The following RGPD2 variants were observed in gnomAD, a reference collection of about 807,000 sequenced individuals.
The protein encoded by RGPD2 is RANBP2-like and GRIP domain-containing protein 2.
In RGPD2, 2 loss-of-function variants were observed where a neutral mutation model predicts 36.0. The ratio of observed to expected loss-of-function variants is 0.06; its 90% CI spans 0.02 to 0.17. RGPD2 has a LOEUF of 0.17. Ranked by LOEUF, RGPD2 falls within the 10% of genes least tolerant of loss-of-function variation. RGPD2 has a pLI of 1.00. For missense variants in RGPD2, 40 were observed against 464.3 expected (o/e 0.09, Z 8.40); for synonymous variants, 19 against 163.8 (o/e 0.12, Z 6.75).
the RGPD2 span, among the ~76,000 whole-genome samples, chr2:87,936,289 G>T: frequency 1.3e-5 from 2 of 151,714 alleles, no homozygotes; most frequent in African/African-American, 4.8e-5. Flanking sequence ...ACAGAGCGCA[G>T]AGTTGCACAG....
At chr2:87,939,993 A>C in the RGPD2 span, among the ~76,000 whole-genome samples, 1 of 152,122 alleles carries the variant, frequency 6.6e-6, no homozygotes, top group Non-Finnish European at 1.5e-5. Context: ...AAGAAACGAA[A>C]CTAGCAAAAG....
At chr2:87,905,320 T>A in the RGPD2 span, among the ~76,000 whole-genome samples, 1 of 152,198 alleles carries the variant, frequency 6.6e-6, no homozygotes, top group African/African-American at 2.4e-5. Context: ...TTCCCTAAGA[T>A]ACTAACTTTG....
the RGPD2 span, among the ~76,000 whole-genome samples, chr2:87,883,003 A>C: frequency 7.2e-5 from 11 of 151,996 alleles, no homozygotes; most frequent in Admixed American, 5.9e-4. Flanking sequence ...AGGATTTTCT[A>C]TATGTACATA....
the RGPD2 span, among the ~76,000 whole-genome samples, chr2:87,977,567 ACT>A: frequency 6.7e-6 from 1 of 149,688 alleles, no homozygotes; most frequent in Admixed American, 6.6e-5. Context: ...TAATCCCAAC[ACT>A]CTGGGAGGCT....
the RGPD2 span, among the ~76,000 whole-genome samples, chr2:87,846,725 A>AT: frequency 1.3e-5 from 2 of 151,006 alleles, no homozygotes; most frequent in South Asian, 4.2e-4. Flanking sequence ...GGCTATTAGC[A>AT]TTTTTTAAAT....
At chr2:87,864,296 G>A in the RGPD2 span, among the ~76,000 whole-genome samples, 16 of 152,380 alleles carry the variant, frequency 1.1e-4, no homozygotes, top group Middle Eastern at 3.4e-3. Context: ...TGGGACATTC[G>A]TCTTCTGCTG....
At chr2:87,915,827 G>A in the RGPD2 span, among the ~76,000 whole-genome samples, 1 of 151,354 alleles carries the variant, frequency 6.6e-6, no homozygotes, top group Non-Finnish European at 1.5e-5. Flanking sequence ...TTCAGTAAAA[G>A]TGGAGAAAGA....
At chr2:87,937,725 A>G in the RGPD2 span, among the ~76,000 whole-genome samples, 3 of 152,006 alleles carry the variant, frequency 2.0e-5, no homozygotes, top group Admixed American at 6.6e-5. Context: ...ACAAACGTCC[A>G]AACTATATTA....
chr2:87,864,621 GATA>G, the RGPD2 span, among the ~76,000 whole-genome samples: 192 of 14,842 alleles, frequency 0.013, no homozygotes, highest in East Asian at 0.25. Context: ...TAGATAGATA[GATA>G]CATAGATGAT....
At chr2:87,884,558 A>G in the RGPD2 span, among the ~76,000 whole-genome samples, 27 of 151,974 alleles carry the variant, frequency 1.8e-4, no homozygotes, top group Middle Eastern at 3.4e-3. Context: ...TAAACTAACT[A>G]AGAATAAAAG....
chr2:87,955,284 G>A, the RGPD2 span, among the ~76,000 whole-genome samples: 58 of 147,462 alleles, frequency 3.9e-4, 2 homozygotes, highest in Admixed American at 4.0e-3. Flanking sequence ...CAAAGTGCTG[G>A]GATTACAGGC....
chr2:87,782,862 C>G lies in RGPD2; in HGVS notation c.4162G>C (p.Val1388Leu). The change falls in exon 20 of 23, where the codon GTG (valine) becomes CTG (leucine). Residue 1388 changes from valine (V) to leucine (L), a missense_variant. Transcript: ENST00000398146. Reference sequence around the variant, plus strand: ...TTTAATACTTGGTCCCTTCTCATCACTATACGAACTTGCTTATTATCATAA... The same window carrying G: ...TTTAATACTTGGTCCCTTCTCATCAGTATACGAACTTGCTTATTATCATAA... Reference protein sequence around the residue: ...QNYDNKQVRIVMRRDQVLKLC... With the variant: ...QNYDNKQVRILMRRDQVLKLC... 4 of 1,585,352 alleles carry G rather than the reference C, an allele frequency of 2.5e-6. No individual in the cohort carries two copies. The highest frequency in any genetic ancestry group is 2.6e-6 in the Non-Finnish European group (3 of 1,168,854).
chr2:87,824,863 G>C (rs1164351154), intron 1 of RGPD2: 1 of 63,662 alleles, frequency 1.6e-5, no homozygotes. Context: ...CGAGGCCGAG[G>C]CCGCCGCCGC....
chr2:87,798,731 G>C (rs1444308084), intron 8 of RGPD2, among the ~76,000 whole-genome samples: 2 of 137,978 alleles, frequency 1.4e-5, no homozygotes, highest in Non-Finnish European at 3.2e-5. Context: ...AGCCGGCCCT[G>C]GTGGCGGGCG....
At chr2:87,970,290 T>C in the RGPD2 span, among the ~76,000 whole-genome samples, 1 of 151,782 alleles carries the variant, frequency 6.6e-6, no homozygotes, top group African/African-American at 2.4e-5. Flanking sequence ...CCAGATATTA[T>C]ATATGTGTAT....
rs758172845 is a variant in RGPD2, at chr2:87,783,008, ACTT to A, written c.4013_4015del (p.Glu1338del). 4 of 1,608,264 alleles carry A rather than the reference ACTT, an allele frequency of 2.5e-6. No homozygotes were observed. The South Asian group carries it at 3.3e-5, about 13-fold the overall frequency. Reference sequence around the variant, plus strand: ...TTGTTCATTTTCCTCACCACTGGATACTTCAACTAGATCAGGTAAAGGAACAAC... The same window carrying A: ...TTGTTCATTTTCCTCACCACTGGATACAACTAGATCAGGTAAAGGAACAAC... On this transcript the variant is annotated inframe_deletion, in exon 20 of 23. Coordinates refer to ENST00000398146, the MANE Select transcript of RGPD2 (RefSeq NM_001078170.3).
the RGPD2 span, among the ~76,000 whole-genome samples, chr2:87,863,936 AG>A: frequency 6.6e-6 from 1 of 152,012 alleles, no homozygotes. Context: ...TGTTGTATGC[AG>A]AATAGCTGCA....
the RGPD2 span, among the ~76,000 whole-genome samples, chr2:87,880,872 T>C: frequency 9.4e-6 from 1 of 106,570 alleles, no homozygotes; most frequent in Non-Finnish European, 1.9e-5. Flanking sequence ...CTTATGAGTC[T>C]GTGAAATCAA....
chr2:87,875,844 G>A, the RGPD2 span, among the ~76,000 whole-genome samples: 1 of 152,196 alleles, frequency 6.6e-6, no homozygotes, highest in Admixed American at 6.5e-5. Flanking sequence ...TTCTGGTGCT[G>A]GGCTGTTTTT....
Sources: allele counts gnomAD v4.1 joint callset (sites outside exome capture counted in the v4.1 genomes callset), GRCh38; gene constraint gnomAD v4.1.1; transcripts MANE v1.5; gene names NCBI Gene and HGNC (gene_info 2026-07-23, HGNC 2026-07-21).